Variants in WNK1 observed in about 807,000 individuals in gnomAD.
The protein encoded by WNK1 is serine/threonine-protein kinase WNK1.
WNK1 carries 38 observed loss-of-function variants against 222.8 expected under a neutral mutation model. The ratio of observed to expected loss-of-function variants is 0.17; its 90% CI spans 0.13 to 0.22. The LOEUF is 0.22. WNK1 is among the 10% of genes least tolerant of loss of function. The probability of loss-of-function intolerance (pLI) is 1.00; values close to 1 mark genes in which losing one functional copy is unlikely to be tolerated. For synonymous variants in WNK1, 1,090 were observed against 1,092.9 expected, an observed-to-expected ratio of 1.00 and a Z score of 0.05; for missense variants, 2,348 against 2,918.4, an observed-to-expected ratio of 0.80 and a Z score of 4.50.
chr12:785,674 A>G (rs549082359), intron 1 of WNK1, among the ~76,000 whole-genome samples: 102 of 152,168 alleles, frequency 6.7e-4, no homozygotes, highest in Admixed American at 4.5e-3. Flanking sequence ...TGGGATTACA[A>G]GCGTGAGCCA....
intron 1 of WNK1, among the ~76,000 whole-genome samples, chr12:758,435 C>G (rs1442707899): frequency 9.0e-6 from 1 of 111,118 alleles, no homozygotes; most frequent in South Asian, 3.1e-4. Flanking sequence ...GGCCGGACTG[C>G]GGACTGCAGT....
intron 5 of WNK1, 87 bp from the exon 6 acceptor site, chr12:859,158 T>C (rs1358288849): frequency 8.6e-7 from 1 of 1,164,950 alleles, no homozygotes; most frequent in Non-Finnish European, 1.3e-6. Flanking sequence ...CTTCTGCGAA[T>C]AACAATAATT....
intron 26 of WNK1, among the ~76,000 whole-genome samples, chr12:903,127 G>T (rs370711871): frequency 9.2e-5 from 14 of 152,238 alleles, no homozygotes; most frequent in East Asian, 7.7e-4. Context: ...ACATACCCCT[G>T]TTATTTTTAC....
intron 1 of WNK1, among the ~76,000 whole-genome samples, chr12:773,063 A>G (rs1474013316): frequency 6.6e-6 from 1 of 152,194 alleles, no homozygotes; most frequent in South Asian, 2.1e-4. Context: ...GTTCGAGACC[A>G]GCCTGACCAA....
At chr12:907,497 G>C (rs1387578778) in intron 26 of WNK1, among the ~76,000 whole-genome samples, 8 of 152,142 alleles carry the variant, frequency 5.3e-5, no homozygotes, top group Admixed American at 1.3e-4. Context: ...CTTGCTGATT[G>C]TATCACACCT....
chr12:866,646 C>T (rs1235121988), intron 8 of WNK1, among the ~76,000 whole-genome samples: 1 of 152,168 alleles, frequency 6.6e-6, no homozygotes, highest in Non-Finnish European at 1.5e-5. Context: ...AGGCGTGAGC[C>T]ACCGCGCCCA....
intron 2 of WNK1, among the ~76,000 whole-genome samples, chr12:821,020 T>C (rs1947820329): frequency 6.6e-6 from 1 of 150,806 alleles, no homozygotes; most frequent in Admixed American, 6.6e-5. Flanking sequence ...AGTTCTCTGC[T>C]ATTCCTATCC....
intron 10 of WNK1, 102 bp from the exon 11 acceptor site, chr12:879,471 T>TTCTTTTTTGCTAA: frequency 1.3e-6 from 1 of 749,698 alleles, no homozygotes; most frequent in Non-Finnish European, 2.0e-6. Flanking sequence ...TGTTTTTTCC[T>TTCTTTTTTGCTAA]TCTTTTTGGC....
In WNK1 at chr12:798,763, T is replaced by TA. The variant is rs200667768; in HGVS notation, c.760-14872dup. ...CACATATGAACATACTTTTCCTTTT[T>TA]AAAAAAATCTGGTTTTGTTTAGGAT... On this transcript the variant is annotated intron_variant, in intron 1 of 27. Coordinates refer to ENST00000315939, the MANE Select transcript of WNK1 (RefSeq NM_018979.4). Among the ~76,000 whole-genome samples the TA allele has an allele frequency of 4.7e-3, 711 of 152,290 alleles. 7 individuals carry two copies. The highest frequency in any genetic ancestry group is 0.016 in the African/African-American group (666 of 41,554).
chr12:906,626 T>A (rs755568468), intron 26 of WNK1: 67 of 985,182 alleles, frequency 6.8e-5, no homozygotes, highest in Non-Finnish European at 7.8e-5. Flanking sequence ...TCTTTACTCA[T>A]GGGAAATTGG....
chr12:885,588 C>G lies in WNK1; in HGVS notation c.4784C>G (p.Pro1595Arg). ...AAGPTSTPLL[P>R]QVPSIPPLVQ... ...GGACCTACTTCTACACCTTTATTAC[C>G]CCAAGTACCTAGTATCCCACCCTTG... is the stretch of plus-strand genomic sequence containing the variant. Residue 1595 changes from proline to arginine, a missense_variant, in exon 19 of 28, where the codon CCC (proline) becomes CGC (arginine). Around this residue, in one of 13 missense-constraint regions of WNK1, gnomAD observed 1,144 missense variants for 1,273.6 expected, o/e 0.90. Transcript: ENST00000315939. The G allele has an allele frequency of 6.2e-7, 1 of 1,614,098 alleles. No homozygotes were observed. Among genetic ancestry groups the G allele is most frequent in the Non-Finnish European group, 8.5e-7 (1 of 1,180,018 alleles).
At chr12:873,466 A>G (rs1270680337) in intron 9 of WNK1, among the ~76,000 whole-genome samples, 1 of 152,174 alleles carries the variant, frequency 6.6e-6, no homozygotes, top group Non-Finnish European at 1.5e-5. Context: ...CTTTTATAGC[A>G]TGTGTTGTAG....
At position 907,850 on chromosome 12, in the gene WNK1, C is replaced by A; in HGVS notation, c.6647C>A (p.Thr2216Asn). The A allele has an allele frequency of 6.2e-7, 1 of 1,613,564 alleles. No homozygotes were observed. The highest frequency in any genetic ancestry group is 8.5e-7 in the Non-Finnish European group (1 of 1,180,020). The change falls in exon 27 of 28, where the codon ACC becomes AAC. Residue 2216 changes from threonine (T) to asparagine (N), a missense_variant. Around this residue, in one of 13 missense-constraint regions of WNK1, gnomAD observed 1,144 missense variants for 1,273.6 expected, o/e 0.90. Coordinates refer to ENST00000315939, the MANE Select transcript of WNK1 (RefSeq NM_018979.4). ...CGTATTCTGTTGCTTATAATAGGAA[C>A]CAGCAGCACAAACACTGTTGGGGCA... Reference protein sequence around the residue: ...VPSLSAPGQGTSSTNTVGATV... With the variant: ...VPSLSAPGQGNSSTNTVGATV...
rs1018554858 is a variant in WNK1, at chr12:884,321, G to C, written c.3844+78G>C. ...ATGTTGAAAGCTTAATCATAAAGCA[G>C]TAATTTATGATGACACAGATAATAA... On this transcript the variant is annotated intron_variant, in intron 18 of 27. Transcript: ENST00000315939. This position sits in a 1 kb window ranked among gnomAD's most constrained non-coding sequence, Gnocchi z 5.6. 3.2e-6 allele frequency: 5 copies of C among 1,579,942 alleles called. No homozygotes were observed. The highest frequency in any genetic ancestry group is 2.2e-5 in the East Asian group (1 of 44,600).
chr12:882,782 T>C (rs1310735070), intron 14 of WNK1, among the ~76,000 whole-genome samples, 161 bp from the exon 15 acceptor site: 2 of 152,228 alleles, frequency 1.3e-5, no homozygotes, highest in Non-Finnish European at 2.9e-5. Context: ...AGATTTTTCT[T>C]GCTACCAGTT....
At chr12:814,877 C>T (rs922102059) in intron 2 of WNK1, among the ~76,000 whole-genome samples, 1 of 152,110 alleles carries the variant, frequency 6.6e-6, no homozygotes, top group African/African-American at 2.4e-5. Context: ...AGTGGGAGCC[C>T]TGAGCTTGTT....
chr12:830,552 G>C (rs1283045377), intron 4 of WNK1, among the ~76,000 whole-genome samples: 1 of 152,098 alleles, frequency 6.6e-6, no homozygotes, highest in African/African-American at 2.4e-5. Flanking sequence ...ACTTTTCTCT[G>C]AATGACTTGA....
chr12:782,523 A>G (rs1308401953), intron 1 of WNK1, among the ~76,000 whole-genome samples: 1 of 152,186 alleles, frequency 6.6e-6, no homozygotes, highest in Non-Finnish European at 1.5e-5. Context: ...TTGAAATCTA[A>G]TTGAAATCCA....
intron 1 of WNK1, among the ~76,000 whole-genome samples, chr12:810,244 C>G (rs1946784149): frequency 6.8e-6 from 1 of 147,378 alleles, no homozygotes; most frequent in African/African-American, 2.5e-5. Flanking sequence ...AAGACTCCGT[C>G]TCAAAAAAAA....
Sources: gnomAD v4.1 joint callset for allele counts (sites outside exome capture counted in the v4.1 genomes callset) on GRCh38, gnomAD v4.1.1 for gene constraint, gnomAD v4.1.1 regional missense constraint, Gnocchi (gnomAD v3.1) non-coding constraint, MANE v1.5 for transcripts, NCBI Gene and HGNC (gene_info 2026-07-23, HGNC 2026-07-21) for gene names.